MYO5B: variants seen among roughly 807,000 people sequenced by gnomAD.
MYO5B encodes myosin VB.
Under a neutral mutation model 229.3 loss-of-function variants are expected in MYO5B, and 143 were observed. The observed-to-expected ratio is 0.62, with a 90% CI of 0.54 to 0.72. The LOEUF is 0.72. Among genes scored for constraint, MYO5B ranks in the 30% least tolerant of loss-of-function variants. MYO5B has a pLI of 0.00. For missense variants in MYO5B, 2,321 were observed against 2,331.0 expected, an observed-to-expected ratio of 1.00 and a Z score of 0.09; for synonymous variants, 918 against 885.2, an observed-to-expected ratio of 1.04 and a Z score of -0.66.
rs931334200 is a variant in MYO5B, at chr18:50,077,714, T to C, written c.28-22336A>G. On this transcript the variant is annotated intron_variant, in intron 1 of 39. Coordinates refer to ENST00000285039, the MANE Select transcript of MYO5B (RefSeq NM_001080467.3). ...AACAACGCAACTTCAAGAGAGACAC[T>C]TGTATTCCATTAAATGCACTTTGGG... is the stretch of plus-strand genomic sequence containing the variant. 4.6e-5 allele frequency among the ~76,000 whole-genome samples: 7 copies of C among 152,186 alleles called. No homozygotes were observed. In the East Asian group the frequency reaches 7.7e-4, roughly 17 times the overall value.
At chr18:49,940,250 A>T (rs1318025726) in intron 14 of MYO5B, among the ~76,000 whole-genome samples, 1 of 152,216 alleles carries the variant, frequency 6.6e-6, no homozygotes, top group East Asian at 1.9e-4. Flanking sequence ...TACAGTCTAC[A>T]GTGGGCCCTG....
intron 1 of MYO5B, among the ~76,000 whole-genome samples, chr18:50,093,355 T>C (rs1027900077): frequency 1.3e-5 from 2 of 152,204 alleles, no homozygotes; most frequent in Non-Finnish European, 2.9e-5. Context: ...ATGCCAAGTC[T>C]AGAAGACTCT....
rs2024860911 is a variant in MYO5B at position 49,903,009 on chromosome 18, A to T, written c.2572-176T>A. ...TGGTGGTTGTTTTATAACACATTTC[A>T]GCGAGGTTCTGCGCCTACATATCCA... On this transcript the variant is annotated intron_variant, in intron 20 of 39. Transcript: ENST00000285039. Among the ~76,000 whole-genome samples the T allele has an allele frequency of 2.0e-5, 3 of 152,252 alleles. No homozygotes were observed. In the South Asian group the frequency reaches 6.2e-4, roughly 32 times the overall value.
intron 7 of MYO5B, among the ~76,000 whole-genome samples, chr18:49,987,078 T>A (rs1035494218): frequency 6.6e-6 from 1 of 152,158 alleles, no homozygotes; most frequent in Non-Finnish European, 1.5e-5. Flanking sequence ...CGAAGACCTT[T>A]CATTGTCAAT....
At chr18:49,959,852 G>A (rs1169569529) in intron 12 of MYO5B, among the ~76,000 whole-genome samples, 1 of 152,216 alleles carries the variant, frequency 6.6e-6, no homozygotes, top group East Asian at 1.9e-4. Flanking sequence ...CATCTTTGGA[G>A]AGTCTTGTTA....
rs1200096498 is a variant in MYO5B at position 50,174,551 on chromosome 18, G to T, written c.27+20216C>A. Among the ~76,000 whole-genome samples the T allele has an allele frequency of 2.0e-5, 3 of 152,234 alleles. No individual in the cohort carries two copies. In the South Asian group the frequency reaches 6.2e-4, roughly 32 times the overall value. On this transcript the variant is annotated intron_variant, in intron 1 of 39. Transcript: ENST00000285039. The stretch of plus-strand genomic sequence containing the variant: ...TCAGAGGGCTCTTGTGACAAGAAAA[G>T]GACAACTAAATGGGAGAACATCATG...
chr18:50,179,715 G>T (rs1003803633), intron 1 of MYO5B, among the ~76,000 whole-genome samples: 3 of 152,196 alleles, frequency 2.0e-5, no homozygotes, highest in South Asian at 2.1e-4. Context: ...GCCATGGAAG[G>T]CTTCAGCATT....
At chr18:49,830,928 T>A (rs907237947) in intron 39 of MYO5B, among the ~76,000 whole-genome samples, 6 of 149,958 alleles carry the variant, frequency 4.0e-5, no homozygotes, top group African/African-American at 1.5e-4. Flanking sequence ...AACAGTATGG[T>A]ACTGGTATAC....
intron 4 of MYO5B, among the ~76,000 whole-genome samples, chr18:50,030,533 G>T (rs2026376153): frequency 6.8e-6 from 1 of 147,682 alleles, no homozygotes; most frequent in South Asian, 2.2e-4. Context: ...CACACTTATG[G>T]GGATCCAAAT....
intron 1 of MYO5B, chr18:50,063,748 G>A (rs925555638): frequency 7.9e-5 from 12 of 152,184 alleles, no homozygotes; most frequent in Admixed American, 2.6e-4. Context: ...TCTCAACCCA[G>A]TCTCTTCAGA....
At position 49,961,916 on chromosome 18, in the gene MYO5B, T is replaced by C. The variant is rs533146408; in HGVS notation, c.1545+350A>G. Among the ~76,000 whole-genome samples, 10 of 152,316 alleles carry C rather than the reference T, an allele frequency of 6.6e-5. No homozygotes were observed. In the South Asian group the frequency reaches 1.0e-3, roughly 16 times the overall value. ...ACGTGGCATTAGCAATCCCAGACTT[T>C]AGTCTTCACTCTCTAGGGATGCCCA... On this transcript the variant is annotated intron_variant, in intron 12 of 39. Coordinates refer to ENST00000285039, the MANE Select transcript of MYO5B (RefSeq NM_001080467.3).
At chr18:50,093,056 A>C (rs2031480263) in intron 1 of MYO5B, among the ~76,000 whole-genome samples, 1 of 152,154 alleles carries the variant, frequency 6.6e-6, no homozygotes, top group Non-Finnish European at 1.5e-5. Context: ...AGAAACTATG[A>C]ACAATTTGTA....
At chr18:49,977,829 T>C (rs993156024) in intron 9 of MYO5B, among the ~76,000 whole-genome samples, 1 of 152,196 alleles carries the variant, frequency 6.6e-6, no homozygotes, top group African/African-American at 2.4e-5. Flanking sequence ...ACGAGCTCTG[T>C]GCTAAAACCT....
chr18:50,113,189 G>A (rs1161558429), intron 1 of MYO5B, among the ~76,000 whole-genome samples: 1 of 151,168 alleles, frequency 6.6e-6, no homozygotes, highest in African/African-American at 2.5e-5. Flanking sequence ...CTCAGTACCT[G>A]TAGTCAGCAT....
Position 49,953,758 on chromosome 18 carries a change from G to C in MYO5B, c.1669-415C>G, listed in dbSNP as rs576111490. Among the ~76,000 whole-genome samples, 33 of 152,234 alleles carry C rather than the reference G, an allele frequency of 2.2e-4. No individual in the cohort carries two copies. The East Asian group carries it at 4.6e-3, about 21-fold the overall frequency. On this transcript the variant is annotated intron_variant, in intron 13 of 39. Transcript: ENST00000285039. ...TATGCACCCACCAGCTACTGAGAAA[G>C]CAGCCCCCTGAAGAGCAGCTACACA...
chr18:49,951,073 A>C (rs983107696), intron 14 of MYO5B, among the ~76,000 whole-genome samples: 11 of 152,210 alleles, frequency 7.2e-5, no homozygotes, highest in Non-Finnish European at 1.6e-4. Context: ...GCCTGGGCTC[A>C]GGTGACCTTC....
intron 1 of MYO5B, among the ~76,000 whole-genome samples, chr18:50,116,855 A>G (rs977684467): frequency 3.9e-5 from 6 of 152,062 alleles, no homozygotes; most frequent in African/African-American, 1.4e-4. Context: ...AAAAAAAAAA[A>G]AAACCAAAAA....
intron 1 of MYO5B, among the ~76,000 whole-genome samples, chr18:50,076,660 C>T (rs1473269497): frequency 1.3e-5 from 2 of 152,108 alleles, no homozygotes; most frequent in African/African-American, 4.8e-5. Flanking sequence ...TCATGTGATT[C>T]CTCTCCTATC....
chr18:49,830,549 T>C (rs2023903430), intron 39 of MYO5B, among the ~76,000 whole-genome samples: 1 of 152,026 alleles, frequency 6.6e-6, no homozygotes, highest in Admixed American at 6.5e-5. Flanking sequence ...AAAGCAATCC[T>C]GAAAAATAAC....
Sources: allele counts gnomAD v4.1 joint callset (sites outside exome capture counted in the v4.1 genomes callset), GRCh38; gene constraint gnomAD v4.1.1; transcripts MANE v1.5; gene names NCBI Gene and HGNC (gene_info 2026-07-23, HGNC 2026-07-21).